Variants in MAPK8IP3 observed in about 807,000 individuals in gnomAD.
MAPK8IP3 encodes the protein mitogen-activated protein kinase 8 interacting protein 3.
In MAPK8IP3, 49 loss-of-function variants were observed where a neutral mutation model predicts 157.8. That is an observed-to-expected ratio of 0.31 (90% CI 0.25 to 0.39). The LOEUF (loss-of-function observed/expected upper bound fraction) is 0.39, where lower values mean the gene tolerates loss of function less well. MAPK8IP3 is among the 10% of genes least tolerant of loss of function. The pLI is 1.00. For missense variants in MAPK8IP3, 1,478 were observed against 1,889.4 expected, an observed-to-expected ratio of 0.78 and a Z score of 4.04; for synonymous variants, 897 against 777.7, an observed-to-expected ratio of 1.15 and a Z score of -2.55.
At chr16:1,756,472 A>G (rs1432086566) in intron 8 of MAPK8IP3, among the ~76,000 whole-genome samples, 3 of 151,904 alleles carry the variant, frequency 2.0e-5, no homozygotes, top group Admixed American at 1.3e-4. Flanking sequence ...GGGTGACAGA[A>G]CGAGACCCCA....
Position 1,770,321 on chromosome 16 carries a change from G to A in MAPK8IP3, c.*1497G>A, listed in dbSNP as rs767538301. 1.1e-4 allele frequency: 34 copies of A among 303,996 alleles called. No individual in the cohort carries two copies. Among genetic ancestry groups the A allele is most frequent in the Admixed American group, 5.2e-4 (11 of 21,074 alleles). The allele number at this position is 303,996 out of a possible 1,614,324, so 18.8% of individuals were successfully genotyped here. A position where few individuals can be genotyped will look rare whatever the true frequency, so the allele number is the denominator to read the frequency against. ...TAATAAATGTCTTAACGTCGTAGCT[G>A]CCTGTTCCTGGGCCCAAATCGAAAC... On this transcript the variant is annotated 3_prime_UTR_variant, in exon 32 of 32. Transcript: ENST00000610761.
chr16:1,763,143 A>G, intron 16 of MAPK8IP3, 137 bp downstream of exon 16: 1 of 1,139,400 alleles, frequency 8.8e-7, no homozygotes, highest in Non-Finnish European at 1.3e-6. Flanking sequence ...AGGGGCCGTG[A>G]CCTCTCCCTG....
intron 4 of MAPK8IP3, among the ~76,000 whole-genome samples, chr16:1,735,691 C>CCG (rs1389198952): frequency 0.026 from 3,234 of 123,538 alleles, 187 homozygotes; most frequent in East Asian, 0.069. Flanking sequence ...GTGTGAGCGT[C>CCG]TGTGTGCCTG....
At chr16:1,709,541 A>T (rs2037625231) in intron 1 of MAPK8IP3, among the ~76,000 whole-genome samples, 1 of 152,282 alleles carries the variant, frequency 6.6e-6, no homozygotes. Context: ...GACGGCAGGC[A>T]CCGGACATTG....
chr16:1,766,891 A>G lies in MAPK8IP3; in HGVS notation c.3021-13A>G, dbSNP rs374447080. 3.1e-6 allele frequency: 5 copies of G among 1,606,234 alleles called. No individual in the cohort carries two copies. Among genetic ancestry groups the G allele is most frequent in the Non-Finnish European group, 2.6e-6 (3 of 1,175,580 alleles). ...GCCTGGCCCAAACCAGGCTCACCGC[A>G]TTCCTGTTTCAGGCATGTCAAAGGC... On this transcript the variant is annotated splice_polypyrimidine_tract_variant and intron_variant, in intron 24 of 31. Transcript: ENST00000610761.
In MAPK8IP3 at chr16:1,766,919, T is replaced by G. The variant is rs2042303250; in HGVS notation, c.3036T>G (p.Arg1012=). 1.9e-6 allele frequency: 3 copies of G among 1,600,382 alleles called. No homozygotes were observed. The highest frequency in any genetic ancestry group is 2.6e-6 in the Non-Finnish European group (3 of 1,171,422). The part of the protein sequence containing the change: ...SVLSLVHVKG[R]VLVALADGTL... Reference sequence around the variant, plus strand: ...CCTGTTTCAGGCATGTCAAAGGCCGTGTGCTGGTGGCTCTGGCGGACGGGA... The same window carrying G: ...CCTGTTTCAGGCATGTCAAAGGCCGGGTGCTGGTGGCTCTGGCGGACGGGA... The change falls in exon 25 of 32, where the codon CGT becomes CGG. Residue 1012 remains arginine, a synonymous_variant. Transcript: ENST00000610761.
chr16:1,744,463 C>T (rs775745643), intron 5 of MAPK8IP3: 68 of 985,682 alleles, frequency 6.9e-5, no homozygotes, highest in Non-Finnish European at 2.5e-5. Context: ...GCTCTGGGAG[C>T]GAGCTCCCTC....
intron 4 of MAPK8IP3, among the ~76,000 whole-genome samples, chr16:1,734,253 C>T (rs1055711370): frequency 9.2e-5 from 14 of 152,382 alleles, no homozygotes; most frequent in African/African-American, 3.4e-4. Flanking sequence ...CATGCCGAGG[C>T]CCTGACGGGA....
chr16:1,766,623 A>C lies in MAPK8IP3; in HGVS notation c.2914A>C (p.Met972Leu), dbSNP rs367888131. 67 of 1,612,310 alleles carry C rather than the reference A, an allele frequency of 4.2e-5. No individual in the cohort carries two copies. The highest frequency in any genetic ancestry group is 5.5e-5 in the Non-Finnish European group (65 of 1,179,842). ...TGAGSSAAPT[M>L]WLGAQNGWLY... Reference sequence around the variant, plus strand: ...AGCAGGCAGCAGTGCTGCACCCACCATGTGGCTGGGAGCCCAGAACGGCTG... The same window carrying C: ...AGCAGGCAGCAGTGCTGCACCCACCCTGTGGCTGGGAGCCCAGAACGGCTG... Residue 972 changes from methionine to leucine, a missense_variant, in exon 23 of 32, where the codon ATG becomes CTG. Met to Leu is a conservative substitution (Grantham distance 15). Coordinates refer to ENST00000610761, the MANE Select transcript of MAPK8IP3 (RefSeq NM_001318852.2).
chr16:1,723,757 G>A (rs1333873572), intron 1 of MAPK8IP3, among the ~76,000 whole-genome samples: 2 of 152,212 alleles, frequency 1.3e-5, no homozygotes, highest in African/African-American at 2.4e-5. Flanking sequence ...GCTGCTGTAG[G>A]AACTACACTT....
intron 1 of MAPK8IP3, among the ~76,000 whole-genome samples, chr16:1,718,729 G>A (rs1223514284): frequency 6.6e-6 from 1 of 151,242 alleles, no homozygotes; most frequent in Non-Finnish European, 1.5e-5. Flanking sequence ...GGAGATGGAG[G>A]TTGCAGTGAG....
chr16:1,731,932 G>A (rs1467412781), intron 4 of MAPK8IP3, among the ~76,000 whole-genome samples: 1 of 152,206 alleles, frequency 6.6e-6, no homozygotes, highest in African/African-American at 2.4e-5. Flanking sequence ...CTTCCACAGG[G>A]TGGGGGTACC....
At chr16:1,763,821 CAGA>C in intron 17 of MAPK8IP3, 38 bp downstream of exon 17, 1 of 1,050,690 alleles carries the variant, frequency 9.5e-7, no homozygotes, top group Non-Finnish European at 1.2e-6. Context: ...CGGGGCCCCG[CAGA>C]GGCGGGGCGG....
chr16:1,767,466 G>C (rs758937543), intron 26 of MAPK8IP3, 98 bp from the exon 27 acceptor site: 62 of 1,519,766 alleles, frequency 4.1e-5, no homozygotes, highest in Non-Finnish European at 5.0e-5. Flanking sequence ...TGGGAGGTCT[G>C]AGGGGACTGC....
chr16:1,746,141 C>T (rs1324223947), intron 5 of MAPK8IP3: 2 of 152,262 alleles, frequency 1.3e-5, no homozygotes, highest in African/African-American at 4.8e-5. Context: ...AGGCCTTGCA[C>T]TTTCCCACAC....
intron 13 of MAPK8IP3, 94 bp from the exon 14 acceptor site, chr16:1,762,257 T>G: frequency 1.5e-5 from 21 of 1,423,732 alleles, no homozygotes; most frequent in Non-Finnish European, 1.9e-5. Flanking sequence ...AAATTGGCAC[T>G]GAGATCCACC....
intron 8 of MAPK8IP3, chr16:1,752,653 G>A (rs1399454340): frequency 4.4e-6 from 1 of 225,626 alleles, no homozygotes; most frequent in East Asian, 1.7e-4. Context: ...GGAAGCTGAA[G>A]TGGGAAGATC....
At chr16:1,737,041 C>T (rs1247632500) in intron 4 of MAPK8IP3, among the ~76,000 whole-genome samples, 217 of 41,692 alleles carry the variant, frequency 5.2e-3, no homozygotes, top group Middle Eastern at 0.022. Flanking sequence ...TGTGAGCATC[C>T]GTGTGACCGT....
chr16:1,728,746 A>C (rs1464937913), intron 2 of MAPK8IP3, among the ~76,000 whole-genome samples: 3 of 146,042 alleles, frequency 2.1e-5, no homozygotes, highest in African/African-American at 8.0e-5. Flanking sequence ...CGCACGCAGC[A>C]GCCCCCCAGA....
Sources: gnomAD v4.1 joint callset for allele counts (sites outside exome capture counted in the v4.1 genomes callset) on GRCh38, gnomAD v4.1.1 for gene constraint, MANE v1.5 for transcripts, NCBI Gene and HGNC (gene_info 2026-07-23, HGNC 2026-07-21) for gene names.